The following GRAMD4 variants were observed in gnomAD, a reference collection of about 807,000 sequenced individuals.
The protein encoded by GRAMD4 is GRAM domain-containing protein 4.
A neutral mutation model predicts 83.9 loss-of-function variants in GRAMD4; 25 were observed. The observed-to-expected ratio is 0.30, with a 90% CI of 0.22 to 0.42. The LOEUF (loss-of-function observed/expected upper bound fraction) is 0.42. GRAMD4 is among the 10% of genes least tolerant of loss of function. The pLI, the probability that GRAMD4 is intolerant of heterozygous loss-of-function variation, is 1.00. For missense variants in GRAMD4, 593 were observed against 788.7 expected (o/e 0.75, Z 2.97); for synonymous variants, 336 against 320.9 (o/e 1.05, Z -0.50).
chr22:46,643,141 T>G (rs149269129), intron 3 of GRAMD4, among the ~76,000 whole-genome samples: 2 of 4,518 alleles, frequency 4.4e-4, no homozygotes, highest in African/African-American at 9.8e-4. Flanking sequence ...CCATGCATCC[T>G]TCCATCCATC....
chr22:46,675,665 G>C, intron 17 of GRAMD4, 113 bp downstream of exon 17: 1 of 748,480 alleles, frequency 1.3e-6, no homozygotes, highest in African/African-American at 1.8e-5. Flanking sequence ...TCTGGGCGCC[G>C]CGGCCACGCT....
At chr22:46,651,884 C>T (rs1054051061) in intron 3 of GRAMD4, among the ~76,000 whole-genome samples, 4 of 152,062 alleles carry the variant, frequency 2.6e-5, no homozygotes, top group Admixed American at 6.5e-5. Context: ...CTGCCAGGGA[C>T]GCTGTACTCC....
At position 46,665,456 on chromosome 22, in the gene GRAMD4, G is replaced by A. The variant is rs765187580; in HGVS notation, c.718-159G>A. On this transcript the variant is annotated intron_variant, in intron 8 of 18. Transcript: ENST00000406902. Reference sequence around the variant, plus strand: ...AAACCGGGGAAGCAGCCCTTCCTCCGGCTTCCCCATCAGACGCACCCTCAT... The same window carrying A: ...AAACCGGGGAAGCAGCCCTTCCTCCAGCTTCCCCATCAGACGCACCCTCAT... Among the ~76,000 whole-genome samples, 10 of 152,170 alleles carry A rather than the reference G, an allele frequency of 6.6e-5. No homozygotes were observed. The South Asian group carries it at 8.3e-4, about 13-fold the overall frequency.
At chr22:46,648,958 G>GGATGGATGCATGGATGCATGGATGGATA (rs2082125709) in intron 3 of GRAMD4, among the ~76,000 whole-genome samples, 8 of 151,632 alleles carry the variant, frequency 5.3e-5, no homozygotes, top group Admixed American at 1.3e-4. Context: ...ATGGATGGAT[G>GGATGGATGCATGGATGCATGGATGGATA]GATGGATGGA....
At chr22:46,625,523 C>T (rs909003989) in intron 1 of GRAMD4, among the ~76,000 whole-genome samples, 6 of 152,272 alleles carry the variant, frequency 3.9e-5, no homozygotes, top group Non-Finnish European at 8.8e-5. Flanking sequence ...TTCTTGAATT[C>T]CTGGATACCT....
chr22:46,679,409 C>T lies in GRAMD4; in HGVS notation c.*2158C>T. On this transcript the variant is annotated 3_prime_UTR_variant, in exon 19 of 19. Transcript: ENST00000406902. ...GGGTCGGGGGAGGGCCACCGACTGG[C>T]TCTGCTGCCAGCACAGGCCCCTCCC... is the stretch of plus-strand genomic sequence containing the variant. 1.0e-6 allele frequency: 1 copy of T among 985,524 alleles called. No homozygotes were observed. Among genetic ancestry groups the T allele is most frequent in the Non-Finnish European group, 1.2e-6 (1 of 829,960 alleles). 61.0% of individuals were successfully genotyped at this position (985,524 alleles called of 1,614,324 possible). A position where few individuals can be genotyped will look rare whatever the true frequency, so the allele number is the denominator to read the frequency against.
rs2082617824 is a variant in GRAMD4, at chr22:46,677,546, G to T, written c.*295G>T. ...GGGGGCCCGTGGAGAAGACACACAG[G>T]ACCCCTGGCCCTGCCCTTCTCCGTT... On this transcript the variant is annotated 3_prime_UTR_variant, in exon 19 of 19. Coordinates refer to ENST00000406902, the MANE Select transcript of GRAMD4 (RefSeq NM_015124.5). 2 of 1,174,210 alleles carry T rather than the reference G, an allele frequency of 1.7e-6. No homozygotes were observed. The highest frequency in any genetic ancestry group is 3.1e-5 in the African/African-American group (2 of 64,256). The allele number at this position is 1,174,210 out of a possible 1,614,324, so 72.7% of individuals were successfully genotyped here.
intron 1 of GRAMD4, among the ~76,000 whole-genome samples, chr22:46,624,469 C>T (rs186170148): frequency 6.6e-6 from 1 of 151,714 alleles, no homozygotes; most frequent in Admixed American, 6.6e-5. Flanking sequence ...GCTGGGACTA[C>T]AGGTGCCCGC....
upstream of GRAMD4, among the ~76,000 whole-genome samples, chr22:46,616,406 C>G (rs1189542239): frequency 9.2e-6 from 1 of 109,034 alleles, no homozygotes; most frequent in Non-Finnish European, 1.9e-5. Flanking sequence ...GTAGGTTCCC[C>G]TGTGCGTGTA....
At position 46,648,099 on chromosome 22, in the gene GRAMD4, T is replaced by C. The variant is rs73891417; in HGVS notation, c.284-10088T>C. Among the ~76,000 whole-genome samples the C allele has an allele frequency of 5.7e-3, 855 of 151,136 alleles. 11 individuals carry two copies. The highest frequency in any genetic ancestry group is 0.019 in the African/African-American group (802 of 41,156). ...GGATGGATGGCTGTGGGTAAGTGGA[T>C]AGGTAGATGGGTGGACGGGTGGGTG... On this transcript the variant is annotated intron_variant, in intron 3 of 18. Transcript: ENST00000406902.
intron 1 of GRAMD4, among the ~76,000 whole-genome samples, chr22:46,592,160 G>A (rs1480670460): frequency 6.6e-6 from 1 of 152,168 alleles, no homozygotes; most frequent in Non-Finnish European, 1.5e-5. Context: ...CATAGTTGGG[G>A]GACAGTCCCC....
chr22:46,661,030 A>G (rs1163742903), intron 4 of GRAMD4, among the ~76,000 whole-genome samples: 2 of 126,664 alleles, frequency 1.6e-5, no homozygotes, highest in African/African-American at 6.9e-5. Flanking sequence ...CCTGATAAAC[A>G]CATGTGTGTT....
At chr22:46,593,882 C>T (rs1415672817) in intron 1 of GRAMD4, among the ~76,000 whole-genome samples, 2 of 151,924 alleles carry the variant, frequency 1.3e-5, no homozygotes, top group African/African-American at 2.4e-5. Context: ...CACCACCACC[C>T]TGGGCTAATT....
rs548700889 is a variant in GRAMD4, at chr22:46,611,709, G to A, written c.-49-15042G>A. The stretch of plus-strand genomic sequence containing the variant: ...AATTTATTTTTAGAGACAGGGTCTC[G>A]GCTGGGTGTGGTGGCTCATGCCTGT... On this transcript the variant is annotated intron_variant, in intron 1 of 1. Transcript: ENST00000431155. 3.3e-5 allele frequency among the ~76,000 whole-genome samples: 5 copies of A among 152,014 alleles called. No homozygotes were observed. The East Asian group carries it at 7.7e-4, about 24-fold the overall frequency.
chr22:46,639,367 G>C (rs1209326224), intron 3 of GRAMD4, among the ~76,000 whole-genome samples: 1 of 149,226 alleles, frequency 6.7e-6, no homozygotes, highest in Non-Finnish European at 1.5e-5. Context: ...GCACGTACGT[G>C]CACGTGTGTG....
At chr22:46,653,111 T>C (rs180764972) in intron 3 of GRAMD4, among the ~76,000 whole-genome samples, 92 of 152,318 alleles carry the variant, frequency 6.0e-4, no homozygotes, top group Non-Finnish European at 1.2e-3. Context: ...TAGCTGTCTT[T>C]GTACCATCAG....
At position 46,678,699 on chromosome 22, in the gene GRAMD4, C is replaced by T. The variant is rs1379734682; in HGVS notation, c.*1448C>T. ...CAAGCTGGTTTTCTTATTTTTGTATCCTTTTTCAGATGTAATTTTTATCTT... is the reference window on the plus strand; with the variant it reads ...CAAGCTGGTTTTCTTATTTTTGTATTCTTTTTCAGATGTAATTTTTATCTT... On this transcript the variant is annotated 3_prime_UTR_variant, in exon 19 of 19. Transcript: ENST00000406902. 1.0e-6 allele frequency: 1 copy of T among 985,682 alleles called. No homozygotes were observed. The highest frequency in any genetic ancestry group is 1.7e-5 in the African/African-American group (1 of 57,358). 61.1% of individuals were successfully genotyped at this position (985,682 alleles called of 1,614,324 possible). A position where few individuals can be genotyped will look rare whatever the true frequency, so the allele number is the denominator to read the frequency against.
At position 46,601,188 on chromosome 22, in the gene GRAMD4, G is replaced by A. The variant is rs74811725; in HGVS notation, c.-50+23898G>A. The stretch of plus-strand genomic sequence containing the variant: ...ACTTAAAAAAAGAATTAGTGAAGAG[G>A]GGTGCCGACATTTTGTAGCTCTCCT... On this transcript the variant is annotated intron_variant, in intron 1 of 1. Coordinates refer to the GRAMD4 transcript ENST00000431155. Among the ~76,000 whole-genome samples the A allele has an allele frequency of 6.1e-3, 922 of 152,144 alleles. 4 individuals are homozygous for A. Among genetic ancestry groups the A allele is most frequent in the African/African-American group, 0.02 (839 of 41,498 alleles).
chr22:46,580,214 G>A (rs915917537), intron 1 of GRAMD4, among the ~76,000 whole-genome samples: 1 of 152,264 alleles, frequency 6.6e-6, no homozygotes, highest in Non-Finnish European at 1.5e-5. Flanking sequence ...GGCAGAGGGT[G>A]CTCGCTGGGA....
Sources: gnomAD v4.1 joint callset for allele counts (sites outside exome capture counted in the v4.1 genomes callset) on GRCh38, gnomAD v4.1.1 for gene constraint, MANE v1.5 for transcripts, NCBI Gene and HGNC (gene_info 2026-07-23, HGNC 2026-07-21) for gene names.